The following MAPK10 variants were observed in gnomAD, a reference collection of about 807,000 sequenced individuals.
The protein encoded by MAPK10 is mitogen-activated protein kinase 10.
Under a neutral mutation model 59.3 loss-of-function variants are expected in MAPK10, and 25 were observed. The observed-to-expected ratio is 0.42, with a 90% CI of 0.31 to 0.59. The LOEUF is 0.59. Ranked by LOEUF, MAPK10 falls within the 20% of genes least tolerant of loss-of-function variation. MAPK10 has a pLI of 0.15. For missense variants in MAPK10, 351 were observed against 568.9 expected, an observed-to-expected ratio of 0.62 and a Z score of 3.90; for synonymous variants, 190 against 200.5, an observed-to-expected ratio of 0.95 and a Z score of 0.44.
rs185957878 is a variant in MAPK10 at position 86,588,374 on chromosome 4, T to A, written c.-263+5536A>T. Among the ~76,000 whole-genome samples the A allele has an allele frequency of 2.6e-3, 403 of 152,314 alleles. 4 individuals are homozygous for A. In the South Asian group the frequency reaches 0.028, roughly 11 times the overall value. On this transcript the variant is annotated intron_variant, in intron 1 of 4. Transcript: ENST00000502302. ...TATGGTTGTAAAGATTTTTTTTAATTTCAGAAATGCAATGTTTTCCGTAAT... is the reference window on the plus strand; with the variant it reads ...TATGGTTGTAAAGATTTTTTTTAATATCAGAAATGCAATGTTTTCCGTAAT...
At chr4:86,232,565 G>T (rs1198341686) in intron 2 of MAPK10, among the ~76,000 whole-genome samples, 2 of 152,080 alleles carry the variant, frequency 1.3e-5, no homozygotes, top group Non-Finnish European at 2.9e-5. Context: ...AGTAGAGACA[G>T]GGTTTCACCA....
intron 2 of MAPK10, among the ~76,000 whole-genome samples, chr4:86,235,502 T>A (rs1172986778): frequency 6.6e-6 from 1 of 152,234 alleles, no homozygotes; most frequent in East Asian, 1.9e-4. Context: ...TTCCTGTATA[T>A]ATGTTATATT....
intron 9 of MAPK10, chr4:86,089,377 C>T: frequency 1.3e-6 from 1 of 768,372 alleles, no homozygotes; most frequent in South Asian, 1.7e-5. Context: ...AATAGTCTGA[C>T]TTTTCACTGA....
intron 2 of MAPK10, among the ~76,000 whole-genome samples, chr4:86,220,941 G>A (rs2089372784): frequency 6.6e-6 from 1 of 152,130 alleles, no homozygotes; most frequent in African/African-American, 2.4e-5. Flanking sequence ...TTTGACTAAT[G>A]ACAGAGAATT....
intron 2 of MAPK10, among the ~76,000 whole-genome samples, chr4:86,279,524 A>G (rs535923290): frequency 6.6e-6 from 1 of 152,198 alleles, no homozygotes; most frequent in Non-Finnish European, 1.5e-5. Context: ...GAGTTAATAT[A>G]TGCAAAGCAT....
intron 1 of MAPK10, among the ~76,000 whole-genome samples, chr4:86,430,143 G>A (rs1747846081): frequency 6.6e-6 from 1 of 152,052 alleles, no homozygotes; most frequent in East Asian, 1.9e-4. Context: ...TTTTCATTAA[G>A]GATTTAAAGA....
intron 2 of MAPK10, among the ~76,000 whole-genome samples, chr4:86,258,328 C>T (rs2093839010): frequency 6.6e-6 from 1 of 152,128 alleles, no homozygotes; most frequent in African/African-American, 2.4e-5. Flanking sequence ...AGCTCGTTCT[C>T]CATTTATGTA....
intron 1 of MAPK10, among the ~76,000 whole-genome samples, chr4:86,538,304 G>A (rs1001532865): frequency 6.6e-6 from 1 of 151,984 alleles, no homozygotes; most frequent in Non-Finnish European, 1.5e-5. Flanking sequence ...GTACCACCAT[G>A]CCTAGCTAAT....
At chr4:86,414,240 C>A (rs919638286) in intron 1 of MAPK10, among the ~76,000 whole-genome samples, 9 of 152,012 alleles carry the variant, frequency 5.9e-5, no homozygotes, top group Admixed American at 5.2e-4. Context: ...AACATTCTAC[C>A]CCTCATCCAT....
At chr4:86,558,093 G>C (rs145526507) in intron 1 of MAPK10, among the ~76,000 whole-genome samples, 1 of 151,910 alleles carries the variant, frequency 6.6e-6, no homozygotes, top group Non-Finnish European at 1.5e-5. Context: ...GAAACAAAAA[G>C]TAAATTAAAA....
intron 2 of MAPK10, among the ~76,000 whole-genome samples, chr4:86,216,803 CT>C (rs1225551115): frequency 6.6e-6 from 1 of 151,852 alleles, no homozygotes; most frequent in African/African-American, 2.4e-5. Context: ...TGTCCCCAAT[CT>C]TTTAAAACAA....
chr4:86,319,486 A>G (rs866538565), intron 2 of MAPK10, among the ~76,000 whole-genome samples: 1 of 152,330 alleles, frequency 6.6e-6, no homozygotes, highest in Middle Eastern at 3.4e-3. Context: ...AATTTGAAGC[A>G]GTGCAATCAC....
intron 1 of MAPK10, among the ~76,000 whole-genome samples, chr4:86,500,524 G>A (rs1215466145): frequency 1.3e-5 from 2 of 152,072 alleles, no homozygotes; most frequent in South Asian, 2.1e-4. Flanking sequence ...TAAACTTTGG[G>A]GGTTTTGTTG....
At chr4:86,159,167 C>A in intron 4 of MAPK10, 131 bp downstream of exon 4, 1 of 591,934 alleles carries the variant, frequency 1.7e-6, no homozygotes, top group African/African-American at 1.9e-5. Context: ...ATTTTTTTTT[C>A]TTCAGTAGGA....
intron 2 of MAPK10, among the ~76,000 whole-genome samples, chr4:86,303,464 GTAGTC>G (rs2095505648): frequency 6.6e-6 from 1 of 152,280 alleles, no homozygotes; most frequent in East Asian, 1.9e-4. Flanking sequence ...TTTTAAAGAT[GTAGTC>G]TAGTGGGAAA....
chr4:86,244,559 C>G (rs893250022), intron 2 of MAPK10, among the ~76,000 whole-genome samples: 2 of 152,140 alleles, frequency 1.3e-5, no homozygotes, highest in Non-Finnish European at 2.9e-5. Context: ...ATAATAGCAT[C>G]CTTCAGCATG....
rs375894633 is a variant in MAPK10 at position 86,089,148 on chromosome 4, A to C, written c.802+9376T>G. ...CCATAAGCAGTACTGCATTTGAGACAAAAGGGAATTAATTGAGAGTGACAC... is the reference window on the plus strand; with the variant it reads ...CCATAAGCAGTACTGCATTTGAGACCAAAGGGAATTAATTGAGAGTGACAC... On this transcript the variant is annotated intron_variant, in intron 9 of 13. Transcript: ENST00000641462. 9.0e-6 allele frequency: 12 copies of C among 1,332,714 alleles called. No homozygotes were observed. In the African/African-American group the frequency reaches 1.3e-4, roughly 14 times the overall value. The allele number at this position is 1,332,714 out of a possible 1,614,324, so 82.6% of individuals were successfully genotyped here. A position where few individuals can be genotyped will look rare whatever the true frequency, so the allele number is the denominator to read the frequency against.
chr4:86,531,880 G>T (rs1005909145), intron 1 of MAPK10, among the ~76,000 whole-genome samples: 2 of 151,998 alleles, frequency 1.3e-5, no homozygotes, highest in Admixed American at 6.6e-5. Context: ...GGGTCCCATT[G>T]TCTTAGACAA....
At chr4:86,394,413 C>A (rs980330441) in intron 1 of MAPK10, among the ~76,000 whole-genome samples, 1 of 152,082 alleles carries the variant, frequency 6.6e-6, no homozygotes, top group African/African-American at 2.4e-5. Context: ...GACTATATCA[C>A]CAAACTACAT....
Sources: allele counts gnomAD v4.1 joint callset (sites outside exome capture counted in the v4.1 genomes callset), GRCh38; gene constraint gnomAD v4.1.1; transcripts MANE v1.5; gene names NCBI Gene and HGNC (gene_info 2026-07-23, HGNC 2026-07-21).